The following ZNF385B variants were observed in gnomAD, a reference collection of about 807,000 sequenced individuals.
ZNF385B encodes the protein zinc finger protein 385B, also known as zinc finger protein 533.
ZNF385B carries 23 observed loss-of-function variants against 39.2 expected under a neutral mutation model. That is an observed-to-expected ratio of 0.59 (90% CI 0.42 to 0.83). ZNF385B has a LOEUF of 0.83. Ranked by LOEUF, ZNF385B falls within the 40% of genes least tolerant of loss-of-function variation. ZNF385B has a pLI of 0.00. For missense variants in ZNF385B, 552 were observed against 598.9 expected (o/e 0.92, Z 0.82); for synonymous variants, 205 against 222.6 (o/e 0.92, Z 0.70).
At chr2:179,733,237 A>C (rs74994811) in intron 3 of ZNF385B, among the ~76,000 whole-genome samples, 1,832 of 152,294 alleles carry the variant, frequency 0.012, 43 homozygotes, top group African/African-American at 0.041. Flanking sequence ...ACATACACTT[A>C]GGAGGACAAG....
intron 3 of ZNF385B, among the ~76,000 whole-genome samples, chr2:179,761,761 C>CTTT (rs34325728): frequency 1.8e-5 from 2 of 110,288 alleles, no homozygotes; most frequent in Admixed American, 1.0e-4. Context: ...TTTTTCTTTT[C>CTTT]TTTTTTTTTT....
intron 1 of ZNF385B, among the ~76,000 whole-genome samples, chr2:179,804,776 G>A (rs374795908): frequency 9.9e-5 from 15 of 152,180 alleles, no homozygotes; most frequent in Admixed American, 4.6e-4. Context: ...CATCCCTTGT[G>A]ACTCCACAGC....
rs1418681345 is a variant in ZNF385B at position 179,755,897 on chromosome 2, CTG to C, written c.298+13604_298+13605del. 3.3e-5 allele frequency among the ~76,000 whole-genome samples: 5 copies of C among 152,138 alleles called. No individual in the cohort carries two copies. The East Asian group carries it at 9.6e-4, about 29-fold the overall frequency. On this transcript the variant is annotated intron_variant, in intron 3 of 9. Transcript: ENST00000410066. ...TTGAATCTTTATCCAATTTGCTAGT[CTG>C]TGTCTTTTAATTGGAGCATTTAGCC...
At chr2:179,655,777 A>T (rs917134687) in intron 3 of ZNF385B, among the ~76,000 whole-genome samples, 1 of 152,192 alleles carries the variant, frequency 6.6e-6, no homozygotes, top group African/African-American at 2.4e-5. Flanking sequence ...TCTAAAGGCA[A>T]ATATGTTTAC....
At chr2:179,546,375 C>T (rs1245926496) in intron 3 of ZNF385B, among the ~76,000 whole-genome samples, 1 of 152,090 alleles carries the variant, frequency 6.6e-6, no homozygotes, top group Non-Finnish European at 1.5e-5. Context: ...ATTCTCACTC[C>T]CCTGCCCTCT....
chr2:179,502,851 A>G (rs957250964), intron 5 of ZNF385B, among the ~76,000 whole-genome samples: 9 of 152,120 alleles, frequency 5.9e-5, no homozygotes, highest in Non-Finnish European at 1.0e-4. Context: ...TATCTACTCA[A>G]GCTGATTCTT....
At chr2:179,700,620 T>A (rs113152185) in intron 3 of ZNF385B, among the ~76,000 whole-genome samples, 1,694 of 152,318 alleles carry the variant, frequency 0.011, 38 homozygotes, top group African/African-American at 0.038. Context: ...CTTTGTGGAA[T>A]GCTGAATAAA....
chr2:179,557,573 TTATA>T (rs1351767061), intron 3 of ZNF385B, among the ~76,000 whole-genome samples: 3 of 15,166 alleles, frequency 2.0e-4, no homozygotes, highest in Non-Finnish European at 4.1e-4. Context: ...TATATGTATG[TTATA>T]TACATGTATA....
At chr2:179,789,569 T>G (rs1483829276) in intron 1 of ZNF385B, among the ~76,000 whole-genome samples, 1 of 152,174 alleles carries the variant, frequency 6.6e-6, no homozygotes. Flanking sequence ...TGGGATACCA[T>G]GTTCATATCA....
chr2:179,493,392 T>A (rs1281693410), intron 5 of ZNF385B, among the ~76,000 whole-genome samples: 1 of 151,682 alleles, frequency 6.6e-6, no homozygotes, highest in Admixed American at 6.6e-5. Flanking sequence ...CACATATATG[T>A]ATGCATACAT....
chr2:179,785,654 G>A (rs1455300744), intron 1 of ZNF385B, among the ~76,000 whole-genome samples: 2 of 152,126 alleles, frequency 1.3e-5, no homozygotes, highest in Non-Finnish European at 2.9e-5. Flanking sequence ...GAAATAGCAA[G>A]AGAAGTAGAA....
chr2:179,708,715 T>C (rs945235695), intron 3 of ZNF385B, among the ~76,000 whole-genome samples: 1 of 152,136 alleles, frequency 6.6e-6, no homozygotes, highest in Non-Finnish European at 1.5e-5. Flanking sequence ...CAGGGAAATG[T>C]GAAATGGACA....
intron 5 of ZNF385B, among the ~76,000 whole-genome samples, chr2:179,494,855 T>G (rs1052196683): frequency 6.6e-6 from 1 of 152,192 alleles, no homozygotes; most frequent in African/African-American, 2.4e-5. Flanking sequence ...TATTTAGCAA[T>G]AGGTTTTAAA....
intron 1 of ZNF385B, among the ~76,000 whole-genome samples, chr2:179,851,178 C>T (rs1013962313): frequency 3.3e-4 from 50 of 152,238 alleles, no homozygotes; most frequent in African/African-American, 1.2e-3. Flanking sequence ...AGGCCAGACA[C>T]AGTGGCTCAC....
At chr2:179,654,994 T>A (rs1023112326) in intron 3 of ZNF385B, among the ~76,000 whole-genome samples, 2 of 152,128 alleles carry the variant, frequency 1.3e-5, no homozygotes, top group African/African-American at 2.4e-5. Flanking sequence ...CAAATGAGGC[T>A]CTTTGATTTC....
In ZNF385B at chr2:179,446,696, A is replaced by C. The variant is rs771636656; in HGVS notation, c.790T>G (p.Ser264Ala). 9 of 1,614,100 alleles carry C rather than the reference A, an allele frequency of 5.6e-6. No homozygotes were observed. The Admixed American group carries it at 1.3e-4, about 24-fold the overall frequency. Residue 264 changes from serine to alanine, a missense_variant, in exon 7 of 10, where the codon TCT becomes GCT. By Grantham distance (99) the Ser-to-Ala change is moderately conservative. Coordinates refer to ENST00000410066, the MANE Select transcript of ZNF385B (RefSeq NM_152520.6). Reference sequence around the variant, plus strand: ...CCAGGTGGCAGGGGTGTTGTGCCAGATTTGAGGAGAAATGAGCCACTTTCA... The same window carrying C: ...CCAGGTGGCAGGGGTGTTGTGCCAGCTTTGAGGAGAAATGAGCCACTTTCA... Reference protein sequence around the residue: ...SSESGSFLLKSGTTPLPPGAA... With the variant: ...SSESGSFLLKAGTTPLPPGAA...
At chr2:179,532,138 G>A (rs1437807448) in intron 4 of ZNF385B, among the ~76,000 whole-genome samples, 1 of 152,136 alleles carries the variant, frequency 6.6e-6, no homozygotes, top group Admixed American at 6.5e-5. Flanking sequence ...TTATTCTCAC[G>A]TGACTGCAAG....
At chr2:179,812,014 C>T (rs1241427742) in intron 1 of ZNF385B, among the ~76,000 whole-genome samples, 2 of 152,078 alleles carry the variant, frequency 1.3e-5, no homozygotes, top group Admixed American at 1.3e-4. Context: ...AGAAGACATA[C>T]AAGTGGCCAA....
At chr2:179,801,455 T>C (rs1706027703) in intron 1 of ZNF385B, among the ~76,000 whole-genome samples, 1 of 152,074 alleles carries the variant, frequency 6.6e-6, no homozygotes, top group African/African-American at 2.4e-5. Context: ...GAGGGCATAT[T>C]TGTTGGTGTA....
Sources: allele counts gnomAD v4.1 joint callset (sites outside exome capture counted in the v4.1 genomes callset), GRCh38; gene constraint gnomAD v4.1.1; transcripts MANE v1.5; gene names NCBI Gene and HGNC (gene_info 2026-07-23, HGNC 2026-07-21).